The following PPARGC1A variants were observed in gnomAD, a reference collection of about 807,000 sequenced individuals.
The protein encoded by PPARGC1A is peroxisome proliferator-activated receptor gamma coactivator 1-alpha.
PPARGC1A carries 25 observed loss-of-function variants against 88.7 expected under a neutral mutation model. That is an observed-to-expected ratio of 0.28 (90% CI 0.21 to 0.39). The LOEUF is 0.39. PPARGC1A is among the 10% of genes least tolerant of loss of function. The pLI is 1.00. For missense variants in PPARGC1A, 880 were observed against 968.7 expected, an observed-to-expected ratio of 0.91 and a Z score of 1.22; for synonymous variants, 363 against 355.6, an observed-to-expected ratio of 1.02 and a Z score of -0.24.
the PPARGC1A span, among the ~76,000 whole-genome samples, chr4:24,117,570 A>G: frequency 0.13 from 19,085 of 150,670 alleles, 1,676 homozygotes; most frequent in African/African-American, 0.25. Flanking sequence ...CTAGTAGGCA[A>G]AAAACGTGTC....
At chr4:24,459,185 C>T in the PPARGC1A span, among the ~76,000 whole-genome samples, 1 of 151,640 alleles carries the variant, frequency 6.6e-6, no homozygotes, top group Non-Finnish European at 1.5e-5. Flanking sequence ...GACAATATTC[C>T]CTATATGTGA....
intron 2 of PPARGC1A, among the ~76,000 whole-genome samples, chr4:23,862,779 A>C (rs1731455130): frequency 6.6e-6 from 1 of 152,202 alleles, no homozygotes; most frequent in South Asian, 2.1e-4. Flanking sequence ...CAAGAGAAAA[A>C]TCTTTACTAT....
chr4:24,119,047 C>T, the PPARGC1A span, among the ~76,000 whole-genome samples: 1 of 152,164 alleles, frequency 6.6e-6, no homozygotes, highest in East Asian at 1.9e-4. Context: ...CAATTTATTC[C>T]TTTATCAGGC....
chr4:24,123,897 G>C, the PPARGC1A span, among the ~76,000 whole-genome samples: 1 of 120,734 alleles, frequency 8.3e-6, no homozygotes, highest in African/African-American at 3.2e-5. Context: ...ATTCCTATAG[G>C]AATCTAAGTT....
the PPARGC1A span, among the ~76,000 whole-genome samples, chr4:24,305,087 G>T: frequency 6.7e-6 from 1 of 150,316 alleles, no homozygotes; most frequent in Admixed American, 6.7e-5. Context: ...TAAGAATGGT[G>T]GTTGTTTGGG....
chr4:24,429,244 A>ACT, the PPARGC1A span, among the ~76,000 whole-genome samples: 1,864 of 151,020 alleles, frequency 0.012, 36 homozygotes, highest in African/African-American at 0.041. Context: ...ACTTGCTCAC[A>ACT]CTCTCTCTCT....
the PPARGC1A span, among the ~76,000 whole-genome samples, chr4:24,097,047 T>C: frequency 6.6e-6 from 1 of 152,056 alleles, no homozygotes; most frequent in Admixed American, 6.6e-5. Context: ...TAAGCTATGA[T>C]GGTGCCACGG....
chr4:24,401,680 T>C, the PPARGC1A span, among the ~76,000 whole-genome samples: 1 of 152,030 alleles, frequency 6.6e-6, no homozygotes, highest in South Asian at 2.1e-4. Context: ...CATGGCAGAG[T>C]CGTTAAAAGC....
chr4:24,024,136 T>C, the PPARGC1A span, among the ~76,000 whole-genome samples: 1 of 152,192 alleles, frequency 6.6e-6, no homozygotes, highest in African/African-American at 2.4e-5. Flanking sequence ...GTGTAACTCA[T>C]TGATGGACAC....
At chr4:24,122,867 A>G in the PPARGC1A span, among the ~76,000 whole-genome samples, 1 of 152,194 alleles carries the variant, frequency 6.6e-6, no homozygotes, top group Non-Finnish European at 1.5e-5. Flanking sequence ...AAATGCAATA[A>G]GGTGCTGGCA....
the PPARGC1A span, among the ~76,000 whole-genome samples, chr4:24,128,531 A>AGTGTGTGTGTGTGTGT: frequency 1.6e-4 from 22 of 138,276 alleles, no homozygotes; most frequent in East Asian, 8.9e-4. Flanking sequence ...AGCCTGTCAC[A>AGTGTGTGTGTGTGTGT]GTGTGTGTGT....
chr4:24,370,552 A>AT, the PPARGC1A span, among the ~76,000 whole-genome samples: 7 of 152,076 alleles, frequency 4.6e-5, no homozygotes, highest in Admixed American at 4.6e-4. Flanking sequence ...AGCTATAACA[A>AT]TTTGACTCTC....
chr4:24,170,333 A>T, the PPARGC1A span, among the ~76,000 whole-genome samples: 8 of 152,334 alleles, frequency 5.3e-5, no homozygotes, highest in South Asian at 1.7e-3. Context: ...TTGACAGAGC[A>T]ATCCATGTGG....
the PPARGC1A span, among the ~76,000 whole-genome samples, chr4:24,416,245 A>G: frequency 1.1e-4 from 17 of 152,176 alleles, no homozygotes; most frequent in Non-Finnish European, 2.2e-4. Context: ...TGGGACTAAG[A>G]AGGTAGCTTA....
At chr4:24,048,975 T>G in the PPARGC1A span, among the ~76,000 whole-genome samples, 1 of 152,086 alleles carries the variant, frequency 6.6e-6, no homozygotes, top group African/African-American at 2.4e-5. Context: ...TGCACATGTC[T>G]TTACATAGGG....
At chr4:24,002,093 CACACAGAGAG>C in the PPARGC1A span, among the ~76,000 whole-genome samples, 1,448 of 135,638 alleles carry the variant, frequency 0.011, 9 homozygotes, top group Non-Finnish European at 0.018. Context: ...CACACACACA[CACACAGAGAG>C]AGAGAGAGAG....
At chr4:24,184,612 G>A in the PPARGC1A span, among the ~76,000 whole-genome samples, 5 of 152,208 alleles carry the variant, frequency 3.3e-5, no homozygotes, top group Non-Finnish European at 5.9e-5. Context: ...CATCCTCTGG[G>A]CCCAGCCTTG....
chr4:24,227,916 T>C, the PPARGC1A span, among the ~76,000 whole-genome samples: 1 of 152,246 alleles, frequency 6.6e-6, no homozygotes, highest in Non-Finnish European at 1.5e-5. Context: ...ACCTTTTTCC[T>C]AGTCTTGGTT....
the PPARGC1A span, among the ~76,000 whole-genome samples, chr4:24,365,439 G>A: frequency 6.6e-6 from 1 of 152,126 alleles, no homozygotes; most frequent in Non-Finnish European, 1.5e-5. Context: ...TCATTCCTCA[G>A]TGCTATATTA....
Sources: allele counts gnomAD v4.1 joint callset (sites outside exome capture counted in the v4.1 genomes callset), GRCh38; gene constraint gnomAD v4.1.1; transcripts MANE v1.5; gene names NCBI Gene and HGNC (gene_info 2026-07-23, HGNC 2026-07-21).